The following PARP8 variants were observed in gnomAD, a reference collection of about 807,000 sequenced individuals.
PARP8 encodes protein mono-ADP-ribosyltransferase PARP8.
In PARP8, 51 loss-of-function variants were observed where a neutral mutation model predicts 124.1. The ratio of observed to expected loss-of-function variants is 0.41; its 90% CI spans 0.33 to 0.52. The LOEUF (loss-of-function observed/expected upper bound fraction) is 0.52, where lower values mean the gene tolerates loss of function less well. Ranked by LOEUF, PARP8 falls within the 20% of genes least tolerant of loss-of-function variation. The pLI is 0.21. For synonymous variants in PARP8, 391 were observed against 361.5 expected, an observed-to-expected ratio of 1.08 and a Z score of -0.93; for missense variants, 860 against 1,018.9, an observed-to-expected ratio of 0.84 and a Z score of 2.12.
At chr5:50,837,838 G>A (rs1329878432) in intron 25 of PARP8, among the ~76,000 whole-genome samples, 5 of 151,692 alleles carry the variant, frequency 3.3e-5, no homozygotes, top group Non-Finnish European at 7.4e-5. Context: ...AATTTTTGTT[G>A]GAAAATTCCA....
chr5:50,699,631 A>C (rs1235155019), intron 2 of PARP8, among the ~76,000 whole-genome samples: 1 of 152,160 alleles, frequency 6.6e-6, no homozygotes, highest in Non-Finnish European at 1.5e-5. Flanking sequence ...ACAGCCATCT[A>C]TATTATCAAT....
chr5:50,713,013 T>C (rs1356595674), intron 2 of PARP8, among the ~76,000 whole-genome samples: 1 of 151,214 alleles, frequency 6.6e-6, no homozygotes, highest in Non-Finnish European at 1.5e-5. Context: ...ATTAAAAGAG[T>C]GAGTATAAGT....
rs1758317778 is a variant in PARP8, at chr5:50,744,199, G to T, written c.147-5952G>T. On this transcript the variant is annotated intron_variant, in intron 2 of 25. Transcript: ENST00000281631. ...TAAATTCCAATCTTTATTACATAGA[G>T]CTACCATCTTCCACTACTTTTGAAA... 2.0e-5 allele frequency among the ~76,000 whole-genome samples: 3 copies of T among 152,124 alleles called. 1 individual carries two copies. In the South Asian group the frequency reaches 6.2e-4, roughly 32 times the overall value.
At chr5:50,823,268 T>C (rs1240171050) in intron 17 of PARP8, among the ~76,000 whole-genome samples, 3 of 152,328 alleles carry the variant, frequency 2.0e-5, no homozygotes, top group Middle Eastern at 3.4e-3. Flanking sequence ...CCCAGAGTTA[T>C]CGCTACTGCT....
intron 15 of PARP8, among the ~76,000 whole-genome samples, chr5:50,816,304 G>A (rs1439023829): frequency 3.3e-4 from 50 of 152,056 alleles, no homozygotes. Context: ...GCCTGTAACG[G>A]GGAAAAATTG....
rs1748494004 is a variant in PARP8, at chr5:50,844,810, A to G, written c.*2742A>G. On this transcript the variant is annotated 3_prime_UTR_variant, in exon 26 of 26. Coordinates refer to ENST00000281631, the MANE Select transcript of PARP8 (RefSeq NM_024615.4). ...TGAATAATCTGTTCTCTTTCACTGT[A>G]TTAAAAGGAGAAGAAAATGAACATT... 1.3e-5 allele frequency: 2 copies of G among 151,660 alleles called. No individual in the cohort carries two copies. Among genetic ancestry groups the G allele is most frequent in the African/African-American group, 2.4e-5 (1 of 41,376 alleles). 9.4% of individuals were successfully genotyped at this position (151,660 alleles called of 1,614,324 possible). A position where few individuals can be genotyped will look rare whatever the true frequency, so the allele number is the denominator to read the frequency against.
intron 15 of PARP8, among the ~76,000 whole-genome samples, chr5:50,816,700 CG>C (rs763730699): frequency 4.6e-5 from 7 of 152,098 alleles, no homozygotes; most frequent in Non-Finnish European, 1.0e-4. Flanking sequence ...ACTATAGCTT[CG>C]TATTTCCCCC....
intron 2 of PARP8, among the ~76,000 whole-genome samples, chr5:50,674,658 A>G (rs1750408234): frequency 6.6e-6 from 1 of 152,148 alleles, no homozygotes; most frequent in Admixed American, 6.5e-5. Context: ...CATGTTTCTC[A>G]TGCTTCCTAA....
chr5:50,785,373 T>C (rs1005634395), intron 9 of PARP8, among the ~76,000 whole-genome samples: 10 of 152,198 alleles, frequency 6.6e-5, no homozygotes, highest in African/African-American at 2.2e-4. Flanking sequence ...TTTCTACATA[T>C]GTATCATACG....
chr5:50,667,003 A>C lies in PARP8; in HGVS notation c.-93A>C. Reference sequence around the variant, plus strand: ...AGCCCCTGCCTCGGCCAGAGGTTTCATTTTTAACTGAATATTTACGAAAGC... The same window carrying C: ...AGCCCCTGCCTCGGCCAGAGGTTTCCTTTTTAACTGAATATTTACGAAAGC... On this transcript the variant is annotated 5_prime_UTR_variant, in exon 1 of 26. Transcript: ENST00000281631. 1 of 1,517,192 alleles carries C rather than the reference A, an allele frequency of 6.6e-7. No homozygotes were observed. The highest frequency in any genetic ancestry group is 8.8e-7 in the Non-Finnish European group (1 of 1,132,132). The allele number at this position is 1,517,192 out of a possible 1,614,324, so 94.0% of individuals were successfully genotyped here.
intron 14 of PARP8, among the ~76,000 whole-genome samples, chr5:50,810,009 CAT>C (rs1354491697): frequency 6.6e-6 from 1 of 151,886 alleles, no homozygotes; most frequent in Non-Finnish European, 1.5e-5. Flanking sequence ...TTTTTTGAAA[CAT>C]GTTTTTGTTG....
intron 2 of PARP8, among the ~76,000 whole-genome samples, chr5:50,712,807 G>A (rs527782930): frequency 6.6e-6 from 1 of 151,950 alleles, no homozygotes; most frequent in African/African-American, 2.4e-5. Flanking sequence ...TTGGTATAAG[G>A]ACTGTTTAAA....
chr5:50,787,201 G>T (rs1182120420), intron 9 of PARP8, among the ~76,000 whole-genome samples: 1 of 152,038 alleles, frequency 6.6e-6, no homozygotes, highest in Admixed American at 6.6e-5. Flanking sequence ...CTCCACGGAC[G>T]AAGTTCTATA....
Position 50,760,300 on chromosome 5 carries a change from A to G in PARP8, c.283A>G (p.Lys95Glu), listed in dbSNP as rs1580241720. ...TTACAACTTTCTTTCAGAATTAAGA[A>G]AAACAAATGACATTAACTGTTGCTT... Reference protein sequence around the residue: ...IFHRIATELRKTNDINCCLSI... With the variant: ...IFHRIATELRETNDINCCLSI... Residue 95 changes from lysine to glutamate, a missense_variant, in exon 5 of 26, where the codon AAA becomes GAA. Lys to Glu is a moderately conservative substitution (Grantham distance 56). Transcript: ENST00000281631. 2.6e-6 allele frequency: 4 copies of G among 1,517,054 alleles called. No individual in the cohort carries two copies. Among genetic ancestry groups the G allele is most frequent in the Non-Finnish European group, 3.6e-6 (4 of 1,116,606 alleles). 94.0% of individuals were successfully genotyped at this position (1,517,054 alleles called of 1,614,324 possible).
intron 2 of PARP8, among the ~76,000 whole-genome samples, chr5:50,738,567 A>G (rs1234119374): frequency 6.6e-6 from 1 of 152,158 alleles, no homozygotes; most frequent in Non-Finnish European, 1.5e-5. Context: ...GTCTGCCTAA[A>G]ATTAGGATGA....
At chr5:50,740,455 G>C (rs1757930768) in intron 2 of PARP8, among the ~76,000 whole-genome samples, 1 of 152,168 alleles carries the variant, frequency 6.6e-6, no homozygotes, top group Admixed American at 6.5e-5. Context: ...AGAGAGAACA[G>C]TTGGAGCACA....
At chr5:50,729,196 C>A (rs1398673293) in intron 2 of PARP8, among the ~76,000 whole-genome samples, 1 of 152,066 alleles carries the variant, frequency 6.6e-6, no homozygotes, top group Non-Finnish European at 1.5e-5. Context: ...GTAGGGTCAT[C>A]TCATTGTTAT....
At chr5:50,813,971 T>A (rs1744793579) in intron 14 of PARP8, among the ~76,000 whole-genome samples, 1 of 152,112 alleles carries the variant, frequency 6.6e-6, no homozygotes, top group Non-Finnish European at 1.5e-5. Context: ...CATATAAAAG[T>A]GATGGTTATT....
At chr5:50,675,461 C>A (rs1281441048) in intron 2 of PARP8, among the ~76,000 whole-genome samples, 1 of 152,144 alleles carries the variant, frequency 6.6e-6, no homozygotes, top group African/African-American at 2.4e-5. Context: ...CACACCACCA[C>A]GGCCGGCTAA....
Sources: gnomAD v4.1 joint callset for allele counts (sites outside exome capture counted in the v4.1 genomes callset) on GRCh38, gnomAD v4.1.1 for gene constraint, MANE v1.5 for transcripts, NCBI Gene and HGNC (gene_info 2026-07-23, HGNC 2026-07-21) for gene names.